Variants in GALNT17 observed in about 807,000 individuals in gnomAD.
GALNT17 encodes the protein polypeptide N-acetylgalactosaminyltransferase 17, also known as UDP-GalNAc:polypeptide N-acetylgalactosaminyltransferase-like 3.
GALNT17 carries 29 observed loss-of-function variants against 63.7 expected under a neutral mutation model. The ratio of observed to expected loss-of-function variants is 0.46; its 90% CI spans 0.34 to 0.62. The LOEUF (loss-of-function observed/expected upper bound fraction) is 0.62. GALNT17 is among the 20% of genes least tolerant of loss of function. The pLI is 0.01. For synonymous variants in GALNT17, 305 were observed against 318.3 expected, an observed-to-expected ratio of 0.96 and a Z score of 0.45; for missense variants, 603 against 799.6, an observed-to-expected ratio of 0.75 and a Z score of 2.97.
chr7:71,524,092 T>C (rs1369562418), intron 5 of GALNT17, among the ~76,000 whole-genome samples: 1 of 151,254 alleles, frequency 6.6e-6, no homozygotes, highest in Non-Finnish European at 1.5e-5. Context: ...CGCTTCAGCC[T>C]GGTGACAGAG....
intron 5 of GALNT17, among the ~76,000 whole-genome samples, chr7:71,449,434 A>G (rs996827310): frequency 5.9e-5 from 9 of 152,062 alleles, no homozygotes; most frequent in African/African-American, 9.7e-5. Context: ...TTTAATAAGT[A>G]AGTAATTTGC....
chr7:71,565,133 G>T (rs891135602), intron 5 of GALNT17, among the ~76,000 whole-genome samples: 1 of 152,100 alleles, frequency 6.6e-6, no homozygotes, highest in African/African-American at 2.4e-5. Context: ...CGGGCATGGT[G>T]CTGGGTGCCT....
intron 5 of GALNT17, among the ~76,000 whole-genome samples, chr7:71,422,579 AG>A (rs1314142092): frequency 1.3e-5 from 2 of 152,186 alleles, no homozygotes; most frequent in Non-Finnish European, 2.9e-5. Flanking sequence ...TCAAACCCCT[AG>A]GGGGATCATG....
At chr7:71,156,620 CCATTCTTT>C (rs1788240489) in intron 1 of GALNT17, among the ~76,000 whole-genome samples, 1 of 114,286 alleles carries the variant, frequency 8.7e-6, no homozygotes. Context: ...CTTCCTTCCT[CCATTCTTT>C]GCCTTCCTTC....
chr7:71,334,254 G>A (rs952533197), intron 1 of GALNT17, among the ~76,000 whole-genome samples: 7 of 152,204 alleles, frequency 4.6e-5, no homozygotes, highest in African/African-American at 1.7e-4. Flanking sequence ...GCCACTAGGT[G>A]ATGGGGAACC....
intron 5 of GALNT17, among the ~76,000 whole-genome samples, chr7:71,543,191 C>T (rs368870908): frequency 6.6e-6 from 1 of 152,140 alleles, no homozygotes; most frequent in South Asian, 2.1e-4. Context: ...TTGACCCTGA[C>T]ATAGTTCCCA....
intron 1 of GALNT17, among the ~76,000 whole-genome samples, chr7:71,256,858 A>C (rs181453636): frequency 3.6e-4 from 55 of 152,344 alleles, no homozygotes; most frequent in Non-Finnish European, 7.1e-4. Context: ...AGATGACACT[A>C]TCTAGGCTGG....
At chr7:71,540,093 C>A (rs535902553) in intron 5 of GALNT17, among the ~76,000 whole-genome samples, 66 of 33,548 alleles carry the variant, frequency 2.0e-3, no homozygotes, top group Non-Finnish European at 2.6e-3. Context: ...TGTGCCTGGC[C>A]TTTTTTTTTT....
chr7:71,447,637 C>G (rs1787183462), intron 5 of GALNT17, among the ~76,000 whole-genome samples: 2 of 152,184 alleles, frequency 1.3e-5, no homozygotes, highest in Admixed American at 6.5e-5. Context: ...TCTTACACCA[C>G]TTATTAATAC....
At chr7:71,288,532 G>C (rs1345508999) in intron 1 of GALNT17, among the ~76,000 whole-genome samples, 1 of 152,174 alleles carries the variant, frequency 6.6e-6, no homozygotes, top group Non-Finnish European at 1.5e-5. Context: ...TGGAAATTAA[G>C]TATGTATGTG....
intron 5 of GALNT17, among the ~76,000 whole-genome samples, chr7:71,478,128 C>T (rs928121414): frequency 2.0e-5 from 3 of 152,098 alleles, no homozygotes; most frequent in African/African-American, 7.2e-5. Flanking sequence ...CTTATGTTTA[C>T]GTCTCTTCTA....
At chr7:71,584,548 A>T (rs1027484586) in intron 6 of GALNT17, among the ~76,000 whole-genome samples, 1 of 152,218 alleles carries the variant, frequency 6.6e-6, no homozygotes, top group Non-Finnish European at 1.5e-5. Flanking sequence ...CTTTAAAAAC[A>T]TAGTCTCGAC....
intron 1 of GALNT17, among the ~76,000 whole-genome samples, chr7:71,221,971 G>T (rs1348572246): frequency 2.3e-5 from 3 of 132,762 alleles, no homozygotes; most frequent in Non-Finnish European, 4.7e-5. Context: ...GTGGTGGCAT[G>T]ATCTCAGCTC....
intron 6 of GALNT17, among the ~76,000 whole-genome samples, chr7:71,641,264 C>G (rs772419412): frequency 6.6e-6 from 1 of 152,148 alleles, no homozygotes; most frequent in Non-Finnish European, 1.5e-5. Context: ...AGCAGACCCA[C>G]GTTTTGAATG....
intron 5 of GALNT17, among the ~76,000 whole-genome samples, chr7:71,461,835 C>T (rs1252712964): frequency 3.3e-5 from 5 of 152,274 alleles, no homozygotes; most frequent in East Asian, 3.9e-4. Context: ...TTGGCGCTCT[C>T]GGCCACAGAT....
intron 1 of GALNT17, among the ~76,000 whole-genome samples, chr7:71,307,104 G>A (rs1448344348): frequency 1.3e-5 from 2 of 152,150 alleles, no homozygotes; most frequent in African/African-American, 2.4e-5. Flanking sequence ...GATGACAAGC[G>A]TGAGCCACCA....
chr7:71,447,794 T>C (rs558011413), intron 5 of GALNT17, among the ~76,000 whole-genome samples: 1 of 152,338 alleles, frequency 6.6e-6, no homozygotes, highest in African/African-American at 2.4e-5. Context: ...TGTTAACTAA[T>C]TCAGCTACAT....
At chr7:71,689,683 G>C (rs1034468754) in intron 9 of GALNT17, among the ~76,000 whole-genome samples, 1 of 152,212 alleles carries the variant, frequency 6.6e-6, no homozygotes, top group Non-Finnish European at 1.5e-5. Flanking sequence ...TTCTCCAGAA[G>C]ATCTAGCTAA....
intron 5 of GALNT17, among the ~76,000 whole-genome samples, chr7:71,534,832 A>G (rs1246394820): frequency 2.0e-5 from 3 of 152,146 alleles, no homozygotes; most frequent in African/African-American, 4.8e-5. Context: ...TTTTACATGC[A>G]TCTTAACGTA....
Sources: allele counts gnomAD v4.1 joint callset (sites outside exome capture counted in the v4.1 genomes callset), GRCh38; gene constraint gnomAD v4.1.1; transcripts MANE v1.5; gene names NCBI Gene and HGNC (gene_info 2026-07-23, HGNC 2026-07-21).